Variants in RIF1 observed in about 807,000 individuals in gnomAD.
RIF1 encodes replication timing regulatory factor 1.
Under a neutral mutation model 247.1 loss-of-function variants are expected in RIF1, and 45 were observed. The observed-to-expected ratio is 0.18, with a 90% confidence interval of 0.14 to 0.23. RIF1 has a LOEUF of 0.23. Ranked by LOEUF, RIF1 falls within the 10% of genes least tolerant of loss-of-function variation. The pLI is 1.00. For missense variants in RIF1, 2,967 were observed against 2,862.5 expected, an observed-to-expected ratio of 1.04 and a Z score of -0.83; for synonymous variants, 1,087 against 978.8, an observed-to-expected ratio of 1.11 and a Z score of -2.06.
At chr2:151,449,844 C>CTTT (rs11405455) in intron 20 of RIF1, among the ~76,000 whole-genome samples, 6 of 137,146 alleles carry the variant, frequency 4.4e-5, no homozygotes, top group Non-Finnish European at 7.8e-5. Flanking sequence ...ACTTTGATGC[C>CTTT]TTTTTTTTTT....
the RIF1 span, chr2:151,519,591 C>T: frequency 8.6e-7 from 1 of 1,164,060 alleles, no homozygotes; most frequent in Admixed American, 1.8e-5. Flanking sequence ...TACTGAATTG[C>T]ACACTTAAAA....
At position 151,416,901 on chromosome 2, in the gene RIF1, G is replaced by GGTAT. The variant is rs777426397; in HGVS notation, c.503+2_503+5dup. ...TTTGAAGCATTAAATGTTATCGTAAGGTATGCATTTGGATGTTGTGCAAAT... is the reference window on the plus strand; with the variant it reads ...TTTGAAGCATTAAATGTTATCGTAAGGTATGTATGCATTTGGATGTTGTGCAAAT... On this transcript the variant is annotated frameshift_variant and splice_region_variant. Transcript: ENST00000444746. LOFTEE classifies it high-confidence loss of function. The GGTAT allele has an allele frequency of 3.1e-6, 5 of 1,602,396 alleles. No homozygotes were observed. In the East Asian group the frequency reaches 1.1e-4, roughly 36 times the overall value.
chr2:151,504,759 C>T (rs1028036758), intron 12 of RIF1, among the ~76,000 whole-genome samples: 1 of 152,124 alleles, frequency 6.6e-6, no homozygotes, highest in Non-Finnish European at 1.5e-5. Context: ...GGTGCAGAGC[C>T]AGGGCTTGCT....
the RIF1 span, among the ~76,000 whole-genome samples, chr2:151,519,480 G>A: frequency 2.5e-3 from 388 of 152,294 alleles, 1 homozygote; most frequent in Middle Eastern, 0.014. Flanking sequence ...ACGGGAGGAG[G>A]GAATGGAGAG....
rs1209484729 is a variant in RIF1, at chr2:151,463,299, A to T, written c.3779A>T (p.Asp1260Val). The change falls in exon 30 of 36, where the codon GAT (aspartate) becomes GTT (valine). Residue 1260 changes from aspartate (D) to valine (V), a missense_variant. Transcript: ENST00000444746. Reference protein sequence around the residue: ...KNNQETMIKTDFLPKAKQREG... With the variant: ...KNNQETMIKTVFLPKAKQREG... ...AACCAGGAAACCATGATTAAAACAG[A>T]TTTTCTACCAAAAGCAAAGCAAAGA... The T allele has an allele frequency of 6.2e-7, 1 of 1,612,658 alleles. No homozygotes were observed. The highest frequency in any genetic ancestry group is 1.7e-5 in the Admixed American group (1 of 59,724).
In RIF1 at chr2:151,469,603, C is replaced by A. The variant is rs1697491737; in HGVS notation, c.6942-108C>A. 3.6e-6 allele frequency: 3 copies of A among 826,042 alleles called. No individual in the cohort carries two copies. The African/African-American group carries it at 5.3e-5, about 15-fold the overall frequency. 51.2% of individuals were successfully genotyped at this position (826,042 alleles called of 1,614,324 possible). The stretch of plus-strand genomic sequence containing the variant: ...TGTGCCTGTCTTCACTGTGGGCTAA[C>A]CTCAGTTATGATTGAGCTTAAATGG... On this transcript the variant is annotated intron_variant, in intron 33 of 35. Coordinates refer to ENST00000444746, the MANE Select transcript of RIF1 (RefSeq NM_018151.5).
the RIF1 span, among the ~76,000 whole-genome samples, chr2:151,527,818 C>T: frequency 1.6e-4 from 25 of 152,262 alleles, no homozygotes; most frequent in Non-Finnish European, 2.5e-4. Flanking sequence ...TAAAGGCCTC[C>T]GGGTGAAATG....
At position 151,464,508 on chromosome 2, in the gene RIF1, C is replaced by T; in HGVS notation, c.4988C>T (p.Ser1663Phe). Reference sequence around the variant, plus strand: ...GAAACTAGCAAATATGCAGAATATTCCTTTACAAGTCTACCTGTGCCAGAA... The same window carrying T: ...GAAACTAGCAAATATGCAGAATATTTCTTTACAAGTCTACCTGTGCCAGAA... ...KNETSKYAEY[S>F]FTSLPVPESN... Residue 1663 changes from serine to phenylalanine, a missense_variant, in exon 30 of 36, where the codon TCC (serine) becomes TTC (phenylalanine). Physicochemically the swap from Ser to Phe is radical, Grantham distance 155. Coordinates refer to ENST00000444746, the MANE Select transcript of RIF1 (RefSeq NM_018151.5). 1 of 1,612,286 alleles carries T rather than the reference C, an allele frequency of 6.2e-7. No homozygotes were observed. The highest frequency in any genetic ancestry group is 8.5e-7 in the Non-Finnish European group (1 of 1,179,504).
chr2:151,416,859 A>C lies in RIF1; in HGVS notation c.461A>C (p.His154Pro). 1.9e-6 allele frequency: 3 copies of C among 1,613,080 alleles called. No individual in the cohort carries two copies. In the African/African-American group the frequency reaches 4.0e-5, roughly 21 times the overall value. ...ATACTGTTTAACAAAGGAGAGACGC[A>C]TTCTGCTGTTGTTGATTTTGAAGCA... ...LEILFNKGETHSAVVDFEALN... is the reference protein window; with the variant it reads ...LEILFNKGETPSAVVDFEALN... The change falls in exon 6 of 36, where the codon CAT (histidine) becomes CCT (proline). Residue 154 changes from histidine (H) to proline (P), a missense_variant. Physicochemically the swap from His to Pro is moderately conservative, Grantham distance 77 (BLOSUM62 -2). Transcript: ENST00000444746.
chr2:151,466,527 A>G (rs1291338316), intron 30 of RIF1, among the ~76,000 whole-genome samples: 1 of 152,088 alleles, frequency 6.6e-6, no homozygotes, highest in Non-Finnish European at 1.5e-5. Context: ...TTTTACATAC[A>G]TGTTCCAGAC....
At chr2:151,490,403 GT>G in intron 9 of RIF1, 1 of 1,595,118 alleles carries the variant, frequency 6.3e-7, no homozygotes, top group Non-Finnish European at 8.5e-7. Context: ...CCCCGTCGCT[GT>G]AAGTCGAAAG....
intron 16 of RIF1, among the ~76,000 whole-genome samples, chr2:151,442,257 A>G (rs1480752104): frequency 6.6e-6 from 1 of 151,438 alleles, no homozygotes; most frequent in African/African-American, 2.4e-5. Flanking sequence ...GTATTTTTAT[A>G]GAGACGGGGT....
At position 151,416,785 on chromosome 2, in the gene RIF1, ATT is replaced by A; in HGVS notation, c.409-20_409-19del. 1 of 1,602,770 alleles carries A rather than the reference ATT, an allele frequency of 6.2e-7. No homozygotes were observed. Among genetic ancestry groups the A allele is most frequent in the Non-Finnish European group, 8.5e-7 (1 of 1,174,152 alleles). On this transcript the variant is annotated intron_variant, in intron 5 of 35. Transcript: ENST00000444746. Reference sequence around the variant, plus strand: ...AACAGTTCAGGCTTATTTCATTTGTATTTATTTGGTTCGTTTTTTAGGTATCC... The same window carrying A: ...AACAGTTCAGGCTTATTTCATTTGTATATTTGGTTCGTTTTTTAGGTATCC...
chr2:151,433,476 A>T (rs1192458603), intron 10 of RIF1, among the ~76,000 whole-genome samples: 1 of 152,060 alleles, frequency 6.6e-6, no homozygotes, highest in Admixed American at 6.6e-5. Flanking sequence ...TTATTTTGAG[A>T]TGGAGTCTTG....
At chr2:151,438,585 T>C (rs1691680091) in intron 13 of RIF1, 99 bp from the exon 14 acceptor site, 1 of 768,604 alleles carries the variant, frequency 1.3e-6, no homozygotes, top group Non-Finnish European at 2.3e-6. Context: ...TATTGTTCAA[T>C]TTATTTGTTT....
rs1449278446 is a variant in RIF1 at position 151,462,964 on chromosome 2, C to G, written c.3444C>G (p.Ser1148=). ...DCGMAEHLEK[S]SLSNNECGSL... is the part of the protein sequence containing the mutation. ...GTATGGCTGAACATCTTGAAAAGTCCTCCCTTTCGAATAATGAGTGTGGTT... is the reference window on the plus strand; with the variant it reads ...GTATGGCTGAACATCTTGAAAAGTCGTCCCTTTCGAATAATGAGTGTGGTT... The change falls in exon 30 of 36, where the codon TCC becomes TCG. Residue 1148 remains serine, a synonymous_variant. Coordinates refer to ENST00000444746, the MANE Select transcript of RIF1 (RefSeq NM_018151.5). 2.5e-6 allele frequency: 4 copies of G among 1,613,982 alleles called. No individual in the cohort carries two copies. Among genetic ancestry groups the G allele is most frequent in the Non-Finnish European group, 3.4e-6 (4 of 1,179,924 alleles).
chr2:151,438,619 T>G, intron 13 of RIF1, 65 bp from the exon 14 acceptor site: 3 of 971,240 alleles, frequency 3.1e-6, no homozygotes, highest in Non-Finnish European at 5.0e-6. Flanking sequence ...AAAGGGAGAG[T>G]GTTAGTCATA....
intron 23 of RIF1, 34 bp downstream of exon 23, chr2:151,456,654 T>G (rs758543836): frequency 8.2e-7 from 1 of 1,222,466 alleles, no homozygotes. Context: ...AACCATACTT[T>G]CATGATGAGA....
At position 151,480,042 on chromosome 2, in the gene RIF1, AT is replaced by A. The variant is rs2049103559; in HGVS notation, c.*4972del. Reference sequence around the variant, plus strand: ...TTGTGAGAATTTACTCAGTTCTGAAATAGAATGTTAAATTTTCCGATGTGGT... The same window carrying A: ...TTGTGAGAATTTACTCAGTTCTGAAAAGAATGTTAAATTTTCCGATGTGGT... On this transcript the variant is annotated 3_prime_UTR_variant, in exon 36 of 36. Transcript: ENST00000444746. 1 of 152,202 alleles carries A rather than the reference AT, an allele frequency of 6.6e-6. No homozygotes were observed. The allele number at this position is 152,202 out of a possible 1,614,324, so 9.4% of individuals were successfully genotyped here.
Sources: allele counts gnomAD v4.1 joint callset (sites outside exome capture counted in the v4.1 genomes callset), GRCh38; gene constraint gnomAD v4.1.1; transcripts MANE v1.5; gene names NCBI Gene and HGNC (gene_info 2026-07-23, HGNC 2026-07-21).